RUNDC3B: variants seen among roughly 807,000 people sequenced by gnomAD.
The protein encoded by RUNDC3B is RUN domain-containing protein 3B.
Under a neutral mutation model 58.4 loss-of-function variants are expected in RUNDC3B, and 33 were observed. The ratio of observed to expected loss-of-function variants is 0.56; its 90% CI spans 0.43 to 0.75. RUNDC3B has a LOEUF of 0.75. RUNDC3B is among the 30% of genes least tolerant of loss of function. The pLI, the probability that RUNDC3B is intolerant of heterozygous loss-of-function variation, is 0.00. For synonymous variants in RUNDC3B, 193 were observed against 195.2 expected, an observed-to-expected ratio of 0.99 and a Z score of 0.10; for missense variants, 501 against 535.7, an observed-to-expected ratio of 0.94 and a Z score of 0.64.
intron 2 of RUNDC3B, among the ~76,000 whole-genome samples, chr7:87,684,001 A>T (rs1418310616): frequency 6.6e-6 from 1 of 152,196 alleles, no homozygotes; most frequent in African/African-American, 2.4e-5. Flanking sequence ...TTGAAAATGG[A>T]TGTATTTCAT....
intron 7 of RUNDC3B, among the ~76,000 whole-genome samples, chr7:87,774,318 A>G (rs550749445): frequency 6.6e-6 from 1 of 152,300 alleles, no homozygotes; most frequent in Admixed American, 6.5e-5. Flanking sequence ...AATGAAAATT[A>G]AAGAGATAAG....
intron 4 of RUNDC3B, among the ~76,000 whole-genome samples, chr7:87,731,722 T>A (rs933086873): frequency 6.6e-6 from 1 of 152,154 alleles, no homozygotes; most frequent in Non-Finnish European, 1.5e-5. Context: ...AATATAACAA[T>A]TGTAAATACA....
At chr7:87,726,022 G>T (rs898883526) in intron 4 of RUNDC3B, among the ~76,000 whole-genome samples, 28 of 151,966 alleles carry the variant, frequency 1.8e-4, no homozygotes, top group African/African-American at 5.5e-4. Flanking sequence ...TTGCAAAAAT[G>T]TTCTCCCATT....
At chr7:87,791,792 A>G (rs1377763753) in intron 8 of RUNDC3B, among the ~76,000 whole-genome samples, 1 of 152,086 alleles carries the variant, frequency 6.6e-6, no homozygotes, top group Non-Finnish European at 1.5e-5. Flanking sequence ...GAATACAGGA[A>G]TGATGGAAAG....
intron 2 of RUNDC3B, among the ~76,000 whole-genome samples, chr7:87,655,828 A>T (rs1294877780): frequency 6.6e-6 from 1 of 151,908 alleles, no homozygotes; most frequent in Non-Finnish European, 1.5e-5. Flanking sequence ...GCTTTTTGGG[A>T]GGTGTTCTTA....
chr7:87,786,373 A>G (rs2130898245), intron 8 of RUNDC3B, among the ~76,000 whole-genome samples: 1 of 152,208 alleles, frequency 6.6e-6, no homozygotes, highest in East Asian at 1.9e-4. Flanking sequence ...TTTTTTAGGA[A>G]TTTGTATTTT....
rs188446514 is a variant in RUNDC3B, at chr7:87,687,142, A to G, written c.239-13279A>G. On this transcript the variant is annotated intron_variant, in intron 2 of 10. Coordinates refer to ENST00000394654, the MANE Select transcript of RUNDC3B (RefSeq NM_001134405.2). The stretch of plus-strand genomic sequence containing the variant: ...GACTCACATTCAGTTTAGATTTTAT[A>G]TTGATTCTTAATATTTTTTCAGTTA... 1.2e-3 allele frequency among the ~76,000 whole-genome samples: 180 copies of G among 152,204 alleles called. 3 individuals are homozygous for G. The highest frequency in any genetic ancestry group is 1.2e-3 in the Non-Finnish European group (81 of 68,004).
intron 2 of RUNDC3B, among the ~76,000 whole-genome samples, chr7:87,671,560 G>A (rs796450256): frequency 1.3e-5 from 2 of 152,236 alleles, no homozygotes; most frequent in African/African-American, 2.4e-5. Context: ...AGTGAAGGCC[G>A]CAAAACAGCA....
intron 6 of RUNDC3B, among the ~76,000 whole-genome samples, chr7:87,761,889 C>G (rs1340830818): frequency 2.0e-5 from 3 of 151,486 alleles, no homozygotes; most frequent in Non-Finnish European, 3.0e-5. Flanking sequence ...GATATATTTC[C>G]CAGTTCTTTA....
At position 87,777,962 on chromosome 7, in the gene RUNDC3B, A is replaced by G. The variant is rs1584184188; in HGVS notation, c.956+7A>G. The G allele has an allele frequency of 6.2e-7, 1 of 1,600,784 alleles. No individual in the cohort carries two copies. Among genetic ancestry groups the G allele is most frequent in the Non-Finnish European group, 8.5e-7 (1 of 1,174,784 alleles). ...TGGAGCTTCAAGATCAGCTGTAAGT[A>G]CAAGCCTTTTAGAAAAATGTTGGTA... On this transcript the variant is annotated splice_region_variant and intron_variant, in intron 8 of 10. Transcript: ENST00000394654.
Position 87,700,462 on chromosome 7 carries a change from T to C in RUNDC3B, c.280T>C (p.Trp94Arg). The C allele has an allele frequency of 6.2e-7, 1 of 1,613,178 alleles. No homozygotes were observed. Among genetic ancestry groups the C allele is most frequent in the Non-Finnish European group, 8.5e-7 (1 of 1,179,464 alleles). Residue 94 changes from tryptophan to arginine, a missense_variant, in exon 3 of 11, where the codon TGG becomes CGG. Coordinates refer to ENST00000394654, the MANE Select transcript of RUNDC3B (RefSeq NM_001134405.2). ...TGGTTATGAAAGTCCTCGTAGCTTCTGGGACTATATCAGAGTGGCTTGCCG... is the reference window on the plus strand; with the variant it reads ...TGGTTATGAAAGTCCTCGTAGCTTCCGGGACTATATCAGAGTGGCTTGCCG... ...WFGYESPRSFWDYIRVACRKV... is the reference protein window; with the variant it reads ...WFGYESPRSFRDYIRVACRKV...
chr7:87,693,509 T>C (rs1355696563), intron 2 of RUNDC3B, among the ~76,000 whole-genome samples: 1 of 152,224 alleles, frequency 6.6e-6, no homozygotes, highest in Non-Finnish European at 1.5e-5. Flanking sequence ...AGTGATTTTT[T>C]TTCCTAACCA....
intron 3 of RUNDC3B, chr7:87,709,273 A>C (rs761364947): frequency 1.0e-6 from 1 of 985,246 alleles, no homozygotes; most frequent in African/African-American, 1.7e-5. Flanking sequence ...TCTGGAGAGC[A>C]ACTTTCTTGA....
intron 4 of RUNDC3B, among the ~76,000 whole-genome samples, chr7:87,716,597 T>G (rs1256809184): frequency 3.3e-5 from 5 of 152,228 alleles, no homozygotes; most frequent in Non-Finnish European, 7.3e-5. Flanking sequence ...CTAGTGAAGT[T>G]CTTTGCCCTC....
At chr7:87,757,654 G>GA (rs1402143209) in intron 6 of RUNDC3B, among the ~76,000 whole-genome samples, 2 of 152,004 alleles carry the variant, frequency 1.3e-5, no homozygotes, top group East Asian at 1.9e-4. Flanking sequence ...CACAGAAATA[G>GA]AAAAAATTAT....
chr7:87,710,757 G>A (rs1830000286), intron 4 of RUNDC3B, 102 bp downstream of exon 4: 2 of 589,926 alleles, frequency 3.4e-6, no homozygotes, highest in Non-Finnish European at 5.8e-6. Context: ...ATCCTCAACT[G>A]TTTTATTTCC....
intron 6 of RUNDC3B, among the ~76,000 whole-genome samples, chr7:87,741,892 A>G (rs1185233251): frequency 6.6e-6 from 1 of 152,192 alleles, no homozygotes; most frequent in Non-Finnish European, 1.5e-5. Context: ...GAGATTTTGA[A>G]ACTATAATTC....
intron 1 of RUNDC3B, among the ~76,000 whole-genome samples, chr7:87,644,855 A>C (rs942043859): frequency 6.6e-6 from 1 of 151,906 alleles, no homozygotes; most frequent in African/African-American, 2.4e-5. Flanking sequence ...CATTAAAGAA[A>C]ATTATTTTTG....
rs545368284 is a variant in RUNDC3B, at chr7:87,709,842, C to A, written c.373-728C>A. Reference sequence around the variant, plus strand: ...ATGAAAATAATTGATTTATGAAGTTCTTACTACAAATATGATCTCTTATAT... The same window carrying A: ...ATGAAAATAATTGATTTATGAAGTTATTACTACAAATATGATCTCTTATAT... On this transcript the variant is annotated intron_variant, in intron 3 of 10. Coordinates refer to ENST00000394654, the MANE Select transcript of RUNDC3B (RefSeq NM_001134405.2). Among the ~76,000 whole-genome samples the A allele has an allele frequency of 2.6e-5, 4 of 152,218 alleles. No homozygotes were observed. In the South Asian group the frequency reaches 8.3e-4, roughly 32 times the overall value.
Sources: allele counts gnomAD v4.1 joint callset (sites outside exome capture counted in the v4.1 genomes callset), GRCh38; gene constraint gnomAD v4.1.1; transcripts MANE v1.5; gene names NCBI Gene and HGNC (gene_info 2026-07-23, HGNC 2026-07-21).